Variants in MRPS27 observed in about 807,000 individuals in gnomAD.
The protein encoded by MRPS27 is mitochondrial ribosomal protein S27.
In MRPS27, 43 loss-of-function variants were observed where a neutral mutation model predicts 48.9. That is an observed-to-expected ratio of 0.88 (90% CI 0.69 to 1.13). MRPS27 has a LOEUF of 1.13. Ranked by LOEUF, MRPS27 falls within the 50% of genes most tolerant of loss-of-function variation. The probability of loss-of-function intolerance (pLI) is 0.00; values close to 1 mark genes in which losing one functional copy is unlikely to be tolerated. For missense variants in MRPS27, 467 were observed against 476.3 expected (o/e 0.98, Z 0.18); for synonymous variants, 188 against 171.9 (o/e 1.09, Z -0.73).
chr5:72,314,514 T>G (rs184802198), intron 1 of MRPS27: 45 of 172,870 alleles, frequency 2.6e-4, no homozygotes, highest in Admixed American at 4.5e-4. Flanking sequence ...TGGTTCACCC[T>G]TCCTGAAGCA....
At chr5:72,248,958 A>C (rs1376171391) in intron 4 of MRPS27, among the ~76,000 whole-genome samples, 1 of 152,220 alleles carries the variant, frequency 6.6e-6, no homozygotes, top group Admixed American at 6.5e-5. Flanking sequence ...AAGCTCATAT[A>C]CTGAACAATT....
intron 4 of MRPS27, among the ~76,000 whole-genome samples, chr5:72,266,401 T>A (rs1228788738): frequency 2.0e-5 from 3 of 152,044 alleles, no homozygotes; most frequent in African/African-American, 7.2e-5. Flanking sequence ...AGTAAAGGAG[T>A]TAAACAGCAA....
At chr5:72,306,587 T>A (rs557056569) in intron 2 of MRPS27, among the ~76,000 whole-genome samples, 5 of 152,186 alleles carry the variant, frequency 3.3e-5, no homozygotes, top group Non-Finnish European at 7.3e-5. Flanking sequence ...ACTAAGATAG[T>A]TGAGACAACT....
At chr5:72,308,709 TGTC>T (rs897835689) in intron 2 of MRPS27, among the ~76,000 whole-genome samples, 3 of 152,212 alleles carry the variant, frequency 2.0e-5, no homozygotes, top group African/African-American at 7.2e-5. Flanking sequence ...AAACAAGTAG[TGTC>T]GTCGAGTAAA....
intron 2 of MRPS27, among the ~76,000 whole-genome samples, chr5:72,310,821 G>T (rs1366413869): frequency 6.6e-6 from 1 of 152,156 alleles, no homozygotes; most frequent in South Asian, 2.1e-4. Context: ...CTCTGCAGTG[G>T]AGAAATCAGA....
chr5:72,228,623 C>T, intron 7 of MRPS27: 1 of 331,140 alleles, frequency 3.0e-6, no homozygotes, highest in Non-Finnish European at 5.4e-6. Context: ...GTTTTATTCC[C>T]TGTATATCTT....
chr5:72,312,084 A>G (rs981844566), intron 2 of MRPS27, among the ~76,000 whole-genome samples: 11 of 152,240 alleles, frequency 7.2e-5, no homozygotes, highest in African/African-American at 2.7e-4. Context: ...GTGAGCCGAG[A>G]TGACGCCACT....
At chr5:72,227,416 A>G (rs1304703690) in intron 8 of MRPS27, 1 of 152,216 alleles carries the variant, frequency 6.6e-6, no homozygotes, top group Non-Finnish European at 1.5e-5. Flanking sequence ...GAGTTATTAT[A>G]TCAGAATCAG....
intron 9 of MRPS27, among the ~76,000 whole-genome samples, chr5:72,224,999 A>G (rs1273813576): frequency 6.6e-6 from 1 of 152,224 alleles, no homozygotes; most frequent in South Asian, 2.1e-4. Context: ...CTGGACACAT[A>G]GCACATTCTT....
intron 2 of MRPS27, among the ~76,000 whole-genome samples, chr5:72,307,221 G>A (rs1267487343): frequency 6.6e-6 from 1 of 151,902 alleles, no homozygotes; most frequent in Middle Eastern, 3.2e-3. Context: ...GCATGGTGGC[G>A]GGCGCCTGTA....
At chr5:72,224,004 T>C (rs1747827960) in intron 9 of MRPS27, among the ~76,000 whole-genome samples, 154 bp from the exon 10 acceptor site, 1 of 152,224 alleles carries the variant, frequency 6.6e-6, no homozygotes, top group South Asian at 2.1e-4. Flanking sequence ...TAAATGGTTA[T>C]ATTTTTTCAC....
chr5:72,297,664 T>A lies in MRPS27; in HGVS notation c.190A>T (p.Lys64Ter). The A allele has an allele frequency of 1.2e-6, 2 of 1,603,146 alleles. No homozygotes were observed. Among genetic ancestry groups the A allele is most frequent in the Non-Finnish European group, 1.7e-6 (2 of 1,175,084 alleles). Reference sequence around the variant, plus strand: ...ATTGTTAAAGAACTAACAGGCAACTTTCTCTCAAATGTTTTATCCATTAAA... The same window carrying A: ...ATTGTTAAAGAACTAACAGGCAACTATCTCTCAAATGTTTTATCCATTAAA... ...ASLMDKTFER[K>*]LPVSSLTISR... Residue 64 changes from lysine (K) to a stop codon, truncating the protein, a stop_gained, in exon 3 of 11, where the codon AAG becomes TAG. Coordinates refer to ENST00000261413, the MANE Select transcript of MRPS27 (RefSeq NM_015084.3). LOFTEE classifies it high-confidence loss of function.
At chr5:72,302,140 G>A (rs1258133567) in intron 2 of MRPS27, among the ~76,000 whole-genome samples, 2 of 152,332 alleles carry the variant, frequency 1.3e-5, no homozygotes, top group South Asian at 2.1e-4. Context: ...GTGGAAGTAT[G>A]TCCAGAAAAT....
At chr5:72,238,232 G>A in intron 4 of MRPS27, 104 bp from the exon 5 acceptor site, 1 of 687,168 alleles carries the variant, frequency 1.5e-6, no homozygotes. Flanking sequence ...AGTGCAATGT[G>A]ACAGAAATTC....
intron 10 of MRPS27, among the ~76,000 whole-genome samples, chr5:72,222,701 C>CA (rs1747780656): frequency 6.6e-6 from 1 of 152,136 alleles, no homozygotes; most frequent in African/African-American, 2.4e-5. Flanking sequence ...GGCAGGCATG[C>CA]AAATTCTCAT....
intron 4 of MRPS27, among the ~76,000 whole-genome samples, chr5:72,255,029 C>CT (rs70999273): frequency 0.026 from 1,880 of 72,134 alleles, 184 homozygotes; most frequent in Non-Finnish European, 0.039. Flanking sequence ...CATTTCTTTT[C>CT]TTTTTTTTTT....
In MRPS27 at chr5:72,295,519, T is replaced by C. The variant is rs757466060; in HGVS notation, c.281+12A>G. Reference sequence around the variant, plus strand: ...TCACAGAGTACATAGCCAAATCAAATGGAAAACTTACTTGTAAAGGTAATA... The same window carrying C: ...TCACAGAGTACATAGCCAAATCAAACGGAAAACTTACTTGTAAAGGTAATA... On this transcript the variant is annotated intron_variant, in intron 4 of 10. Transcript: ENST00000261413. The C allele has an allele frequency of 1.3e-6, 2 of 1,597,308 alleles. No homozygotes were observed. The highest frequency in any genetic ancestry group is 1.1e-5 in the South Asian group (1 of 90,406).
At chr5:72,298,115 A>T (rs1461366286) in intron 2 of MRPS27, among the ~76,000 whole-genome samples, 5 of 152,208 alleles carry the variant, frequency 3.3e-5, no homozygotes, top group African/African-American at 1.2e-4. Context: ...GGGAGAAAAT[A>T]TTCACAAACT....
intron 4 of MRPS27, chr5:72,241,693 C>G (rs1251155939): frequency 4.8e-5 from 74 of 1,535,156 alleles, no homozygotes; most frequent in Non-Finnish European, 6.2e-5. Flanking sequence ...CCCTTTCTGT[C>G]AGAAGAAAGG....
Sources: gnomAD v4.1 joint callset for allele counts (sites outside exome capture counted in the v4.1 genomes callset) on GRCh38, gnomAD v4.1.1 for gene constraint, MANE v1.5 for transcripts, NCBI Gene and HGNC (gene_info 2026-07-23, HGNC 2026-07-21) for gene names.